SEC14L5: variants seen among roughly 807,000 people sequenced by gnomAD.
SEC14L5 encodes the protein SEC14-like protein 5.
Under a neutral mutation model 84.6 loss-of-function variants are expected in SEC14L5, and 96 were observed. The ratio of observed to expected loss-of-function variants is 1.13; its 90% CI spans 0.96 to 1.34. SEC14L5 has a LOEUF of 1.34. SEC14L5 is among the 40% of genes most tolerant of loss of function. The pLI is 0.00. For missense variants in SEC14L5, 1,224 were observed against 942.5 expected (o/e 1.30, Z -3.91); for synonymous variants, 546 against 383.4 (o/e 1.42, Z -4.95).
At position 5,017,656 on chromosome 16, in the gene SEC14L5, C is replaced by T. The variant is rs552046304; in HGVS notation, c.*2686C>T. 29 of 152,320 alleles carry T rather than the reference C, an allele frequency of 1.9e-4. No homozygotes were observed. The highest frequency in any genetic ancestry group is 6.2e-4 in the South Asian group (3 of 4,830). 9.4% of individuals were successfully genotyped at this position (152,320 alleles called of 1,614,324 possible). ...CGTGATTGACATTCCCTGCAGAAGC[C>T]GCAGCAGGATTGGGGAGGGCCATTC... On this transcript the variant is annotated 3_prime_UTR_variant, in exon 16 of 16. Coordinates refer to ENST00000251170, the MANE Select transcript of SEC14L5 (RefSeq NM_014692.2).
rs543344460 is a variant in SEC14L5 at position 5,016,139 on chromosome 16, T to C, written c.*1169T>C. On this transcript the variant is annotated 3_prime_UTR_variant, in exon 16 of 16. Transcript: ENST00000251170. ...CAGGGTCTCAACATGGAGTCTCGATTCCCCCCGCGAGTGGAGGCTGCTGTG... is the reference window on the plus strand; with the variant it reads ...CAGGGTCTCAACATGGAGTCTCGATCCCCCCCGCGAGTGGAGGCTGCTGTG... 3.3e-5 allele frequency: 5 copies of C among 152,024 alleles called. No homozygotes were observed. The highest frequency in any genetic ancestry group is 7.4e-5 in the Non-Finnish European group (5 of 68,022). 9.4% of individuals were successfully genotyped at this position (152,024 alleles called of 1,614,324 possible). A position where few individuals can be genotyped will look rare whatever the true frequency, so the allele number is the denominator to read the frequency against.
intron 6 of SEC14L5, among the ~76,000 whole-genome samples, chr16:4,994,749 C>T (rs1955591340): frequency 6.6e-6 from 1 of 151,808 alleles, no homozygotes. Context: ...TGGCCTGGTC[C>T]CCTGTACCTT....
At chr16:4,995,051 A>G (rs770804687) in intron 6 of SEC14L5, among the ~76,000 whole-genome samples, 1 of 152,010 alleles carries the variant, frequency 6.6e-6, no homozygotes, top group Non-Finnish European at 1.5e-5. Flanking sequence ...CTCTGCCAAC[A>G]TTCTCCCACC....
intron 2 of SEC14L5, among the ~76,000 whole-genome samples, chr16:4,974,540 G>T (rs1022764543): frequency 1.3e-5 from 2 of 151,814 alleles, no homozygotes; most frequent in Non-Finnish European, 2.9e-5. Context: ...TATATGATAT[G>T]ATAATTATAT....
chr16:4,973,927 G>T lies in SEC14L5; in HGVS notation c.64-13630G>T, dbSNP rs538730341. ...TTGAACTCCTCACCTCAGGTGATCT[G>T]CCCCCTGAGGCCTCCCAAAGTGCTG... On this transcript the variant is annotated intron_variant, in intron 2 of 15. Transcript: ENST00000251170. Among the ~76,000 whole-genome samples the T allele has an allele frequency of 5.3e-5, 8 of 152,024 alleles. No homozygotes were observed. In the East Asian group the frequency reaches 1.5e-3, roughly 29 times the overall value.
intron 1 of SEC14L5, among the ~76,000 whole-genome samples, 163 bp downstream of exon 1, chr16:4,958,608 G>A (rs1204985035): frequency 6.6e-6 from 1 of 152,200 alleles, no homozygotes; most frequent in Non-Finnish European, 1.5e-5. Flanking sequence ...TTGCCTCTAC[G>A]TGTGTGTACG....
At chr16:4,960,002 C>T (rs1381811383) in intron 2 of SEC14L5, among the ~76,000 whole-genome samples, 5 of 152,038 alleles carry the variant, frequency 3.3e-5, no homozygotes, top group South Asian at 4.2e-4. Flanking sequence ...GACACTGGGA[C>T]GAGAGAGAGA....
At chr16:4,966,127 G>C (rs1286370265) in intron 2 of SEC14L5, among the ~76,000 whole-genome samples, 1 of 151,044 alleles carries the variant, frequency 6.6e-6, no homozygotes, top group Non-Finnish European at 1.5e-5. Flanking sequence ...CACCATGCCT[G>C]GCTAATTTTT....
chr16:5,007,141 C>G (rs1035646301), intron 12 of SEC14L5, among the ~76,000 whole-genome samples: 10 of 152,176 alleles, frequency 6.6e-5, no homozygotes, highest in African/African-American at 2.2e-4. Flanking sequence ...TTGCCCGAGC[C>G]TCCATTCCTT....
At chr16:4,986,121 C>CTGT (rs1477012312) in intron 2 of SEC14L5, among the ~76,000 whole-genome samples, 5 of 151,456 alleles carry the variant, frequency 3.3e-5, no homozygotes, top group African/African-American at 1.2e-4. Flanking sequence ...CCAACACGTG[C>CTGT]TGTTATGTCT....
chr16:4,959,047 G>C (rs3813745), intron 1 of SEC14L5, among the ~76,000 whole-genome samples: 24,341 of 151,544 alleles, frequency 0.16, 2,504 homozygotes, highest in East Asian at 0.47. Flanking sequence ...AAAGTTTGGG[G>C]GTGCTGACTG....
Position 4,985,663 on chromosome 16 carries a change from G to C in SEC14L5, c.64-1894G>C, listed in dbSNP as rs557616272. On this transcript the variant is annotated intron_variant, in intron 2 of 15. Transcript: ENST00000251170. ...TGATAAACGTAAGGGCTTATTTCTG[G>C]ATGCTAAATTCTTTTCCACTGAGCT... Among the ~76,000 whole-genome samples the C allele has an allele frequency of 5.3e-5, 8 of 152,082 alleles. No homozygotes were observed. The South Asian group carries it at 1.5e-3, about 28-fold the overall frequency.
chr16:5,008,428 T>C lies in SEC14L5; in HGVS notation c.1580T>C (p.Val527Ala). 6.2e-7 allele frequency: 1 copy of C among 1,607,366 alleles called. No homozygotes were observed. The highest frequency in any genetic ancestry group is 8.5e-7 in the Non-Finnish European group (1 of 1,175,202). ...TCGCCTGTCTCCACACAGGTGGCCG[T>C]GGAGATCCTGGAAGGAGAGTCGGTC... The part of the protein sequence containing the change: ...VLRGAPHEVA[V>A]EILEGESVIT... Residue 527 changes from valine (V) to alanine (A), a missense_variant, in exon 14 of 16, where the codon GTG (valine) becomes GCG (alanine). Transcript: ENST00000251170.
chr16:4,965,555 G>A (rs912843444), intron 2 of SEC14L5, among the ~76,000 whole-genome samples: 1 of 150,820 alleles, frequency 6.6e-6, no homozygotes, highest in African/African-American at 2.4e-5. Context: ...CAGCTACTCG[G>A]GAGGCTGAGG....
chr16:4,976,230 A>T (rs1955337239), intron 2 of SEC14L5, among the ~76,000 whole-genome samples: 1 of 152,134 alleles, frequency 6.6e-6, no homozygotes. Flanking sequence ...CCCCTTTTAC[A>T]CACAAAGGAA....
At chr16:4,998,253 C>T (rs558921945) in intron 8 of SEC14L5, among the ~76,000 whole-genome samples, 9 of 151,460 alleles carry the variant, frequency 5.9e-5, no homozygotes, top group African/African-American at 1.9e-4. Flanking sequence ...GTGATCCGCC[C>T]GCCTTGGCCT....
intron 2 of SEC14L5, among the ~76,000 whole-genome samples, chr16:4,962,469 C>G (rs991954646): frequency 1.3e-5 from 2 of 152,112 alleles, no homozygotes; most frequent in Non-Finnish European, 2.9e-5. Flanking sequence ...GGGCGGACCA[C>G]CTCAGGTCAG....
chr16:4,986,330 G>C (rs2142501169), intron 2 of SEC14L5, among the ~76,000 whole-genome samples: 1 of 152,158 alleles, frequency 6.6e-6, no homozygotes, highest in Admixed American at 6.5e-5. Flanking sequence ...AGTAGAGATG[G>C]GGTTTCACCA....
chr16:5,008,270 CTG>C (rs1955756383), intron 13 of SEC14L5, 149 bp from the exon 14 acceptor site: 1 of 625,808 alleles, frequency 1.6e-6, no homozygotes, highest in Admixed American at 3.0e-5. Context: ...CAGGAGAAAA[CTG>C]AGGAGAGGAG....
Sources: allele counts gnomAD v4.1 joint callset (sites outside exome capture counted in the v4.1 genomes callset), GRCh38; gene constraint gnomAD v4.1.1; transcripts MANE v1.5; gene names NCBI Gene and HGNC (gene_info 2026-07-23, HGNC 2026-07-21).